CTNNA3: variants seen among roughly 807,000 people sequenced by gnomAD.
The protein encoded by CTNNA3 is catenin alpha 3.
CTNNA3 carries 76 observed loss-of-function variants against 95.7 expected under a neutral mutation model. That is an observed-to-expected ratio of 0.79 (90% CI 0.66 to 0.96). The LOEUF is 0.96. Ranked by LOEUF, CTNNA3 falls within the 40% of genes least tolerant of loss-of-function variation. The pLI is 0.00. For synonymous variants in CTNNA3, 431 were observed against 374.4 expected, an observed-to-expected ratio of 1.15 and a Z score of -1.74; for missense variants, 1,191 against 1,089.8, an observed-to-expected ratio of 1.09 and a Z score of -1.31.
chr10:67,221,108 A>C (rs1027545291), intron 5 of CTNNA3, among the ~76,000 whole-genome samples: 2 of 152,186 alleles, frequency 1.3e-5, no homozygotes, highest in Non-Finnish European at 2.9e-5. Flanking sequence ...GAACAGAAAA[A>C]ACATTCATGA....
chr10:66,268,085 G>T (rs1490011055), intron 13 of CTNNA3, among the ~76,000 whole-genome samples: 1 of 146,708 alleles, frequency 6.8e-6, no homozygotes, highest in East Asian at 1.9e-4. Context: ...TGTTGAAAAT[G>T]ATGATGATGA....
chr10:66,222,273 C>T (rs1048643628), intron 13 of CTNNA3, among the ~76,000 whole-genome samples: 3 of 152,086 alleles, frequency 2.0e-5, no homozygotes, highest in East Asian at 1.9e-4. Context: ...ATGACACCCA[C>T]CCCTACACAG....
At chr10:67,459,242 A>C (rs1847286898) in intron 5 of CTNNA3, among the ~76,000 whole-genome samples, 1 of 152,220 alleles carries the variant, frequency 6.6e-6, no homozygotes, top group Non-Finnish European at 1.5e-5. Context: ...TGAGTGTAGA[A>C]GAAATGACAA....
chr10:66,195,861 C>T (rs1406859796), intron 13 of CTNNA3, among the ~76,000 whole-genome samples: 1 of 150,976 alleles, frequency 6.6e-6, no homozygotes, highest in African/African-American at 2.5e-5. Flanking sequence ...GCTGGGTGAA[C>T]ACATGTTAGC....
chr10:67,444,437 A>G (rs1846659392), intron 5 of CTNNA3, among the ~76,000 whole-genome samples: 1 of 152,218 alleles, frequency 6.6e-6, no homozygotes, highest in East Asian at 1.9e-4. Flanking sequence ...GCCTACATCG[A>G]AAAAGAAGAA....
At chr10:66,227,805 T>C (rs376210247) in intron 13 of CTNNA3, among the ~76,000 whole-genome samples, 1 of 152,094 alleles carries the variant, frequency 6.6e-6, no homozygotes, top group South Asian at 2.1e-4. Context: ...CTAGGCTTTG[T>C]GCTGTTGTTA....
At position 66,388,066 on chromosome 10, in the gene CTNNA3, C is replaced by T. The variant is rs143254419; in HGVS notation, c.1532-8714G>A. Among the ~76,000 whole-genome samples the T allele has an allele frequency of 4.1e-3, 622 of 152,054 alleles. 5 individuals carry two copies. Among genetic ancestry groups the T allele is most frequent in the South Asian group, 7.7e-3 (37 of 4,800 alleles). On this transcript the variant is annotated intron_variant, in intron 11 of 17. Coordinates refer to ENST00000433211, the MANE Select transcript of CTNNA3 (RefSeq NM_013266.4). ...CTATGTATCAAACCTACATGTTGTG[C>T]ACATGTACCCTAGAAATTAAAGTAT...
At chr10:66,693,367 C>G (rs1589134383) in intron 9 of CTNNA3, among the ~76,000 whole-genome samples, 1 of 143,724 alleles carries the variant, frequency 7.0e-6, no homozygotes, top group Admixed American at 6.8e-5. Context: ...ACAAAGAAGG[C>G]CATTACATAA....
intron 5 of CTNNA3, among the ~76,000 whole-genome samples, chr10:67,266,550 G>A (rs1866834373): frequency 6.6e-6 from 1 of 151,954 alleles, no homozygotes; most frequent in Non-Finnish European, 1.5e-5. Flanking sequence ...ATCTAATATT[G>A]AATATTAGAT....
chr10:67,414,468 G>A (rs1845477956), intron 5 of CTNNA3, among the ~76,000 whole-genome samples: 1 of 151,982 alleles, frequency 6.6e-6, no homozygotes, highest in African/African-American at 2.4e-5. Context: ...AAAAGCCCTG[G>A]ACCAAGTGAA....
At chr10:67,669,391 C>G (rs940954115) in intron 1 of CTNNA3, among the ~76,000 whole-genome samples, 1 of 152,098 alleles carries the variant, frequency 6.6e-6, no homozygotes, top group Non-Finnish European at 1.5e-5. Flanking sequence ...AGTAGATGAG[C>G]TCTCCCAAGA....
At chr10:66,222,567 A>T (rs2088994184) in intron 13 of CTNNA3, among the ~76,000 whole-genome samples, 1 of 151,158 alleles carries the variant, frequency 6.6e-6, no homozygotes, top group Non-Finnish European at 1.5e-5. Flanking sequence ...AGAGAGAAAG[A>T]AGGAAAGAAA....
At chr10:67,097,488 C>T (rs1858073877) in intron 7 of CTNNA3, 1 of 1,013,332 alleles carries the variant, frequency 9.9e-7, no homozygotes, top group South Asian at 1.4e-5. Context: ...ACAGATATAA[C>T]CATGGAGGTT....
intron 11 of CTNNA3, among the ~76,000 whole-genome samples, chr10:66,489,894 CA>C (rs1182452078): frequency 6.6e-6 from 1 of 152,124 alleles, no homozygotes; most frequent in African/African-American, 2.4e-5. Context: ...AAAACTTGGC[CA>C]AAAGGCCTTC....
intron 5 of CTNNA3, among the ~76,000 whole-genome samples, chr10:67,472,505 A>T (rs1228404402): frequency 6.6e-6 from 1 of 152,120 alleles, no homozygotes; most frequent in Non-Finnish European, 1.5e-5. Context: ...ATGCTAAAAA[A>T]CACTCCTTCC....
At chr10:66,120,111 C>T (rs2082515296) in intron 13 of CTNNA3, among the ~76,000 whole-genome samples, 1 of 152,102 alleles carries the variant, frequency 6.6e-6, no homozygotes. Context: ...ATTTTATCTT[C>T]CTTCTCTTTT....
chr10:66,472,292 A>G (rs1280744135), intron 11 of CTNNA3, among the ~76,000 whole-genome samples: 1 of 151,806 alleles, frequency 6.6e-6, no homozygotes, highest in Non-Finnish European at 1.5e-5. Context: ...GTTTGTTGAG[A>G]TTTGGGCAGT....
At chr10:66,485,459 C>T (rs1012638913) in intron 11 of CTNNA3, among the ~76,000 whole-genome samples, 18 of 151,812 alleles carry the variant, frequency 1.2e-4, no homozygotes, top group Non-Finnish European at 2.5e-4. Context: ...GGGAACTATC[C>T]AAAAGATAAA....
intron 1 of CTNNA3, among the ~76,000 whole-genome samples, chr10:67,752,339 C>T (rs1351166326): frequency 6.6e-6 from 1 of 152,094 alleles, no homozygotes; most frequent in African/African-American, 2.4e-5. Flanking sequence ...TATTAAGAGC[C>T]ATTCCTGACA....
Sources: gnomAD v4.1 joint callset for allele counts (sites outside exome capture counted in the v4.1 genomes callset) on GRCh38, gnomAD v4.1.1 for gene constraint, MANE v1.5 for transcripts, NCBI Gene and HGNC (gene_info 2026-07-23, HGNC 2026-07-21) for gene names.